RIPOR3: variants seen among roughly 807,000 people sequenced by gnomAD.
RIPOR3 encodes the protein family with sequence similarity 65 member C.
In RIPOR3, 95 loss-of-function variants were observed where a neutral mutation model predicts 114.3. That is an observed-to-expected ratio of 0.83 (90% CI 0.70 to 0.99). The LOEUF (loss-of-function observed/expected upper bound fraction) is 0.99. Among genes scored for constraint, RIPOR3 ranks in the 50% least tolerant of loss-of-function variants. RIPOR3 has a pLI of 0.00. For missense variants in RIPOR3, 1,252 were observed against 1,266.9 expected (o/e 0.99, Z 0.18); for synonymous variants, 575 against 543.8 (o/e 1.06, Z -0.80).
In RIPOR3 at chr20:50,620,056, C is replaced by T. The variant is rs144486592; in HGVS notation, c.199G>A (p.Gly67Arg). 74 of 1,614,068 alleles carry T rather than the reference C, an allele frequency of 4.6e-5. 1 individual carries two copies. The East Asian group carries it at 1.6e-3, about 35-fold the overall frequency. Residue 67 changes from glycine to arginine, a missense_variant, in exon 3 of 22, where the codon GGG (glycine) becomes AGG (arginine). Coordinates refer to ENST00000327979, the MANE Select transcript of RIPOR3 (RefSeq NM_001290268.2). ...SSKMYGTLRK[G>R]SVCADPKPQQ... ...GGCTTCGGGTCTGCACAGACCGACCCCTTCCGCAGCGTGCCGTACATCTTG... is the reference window on the plus strand; with the variant it reads ...GGCTTCGGGTCTGCACAGACCGACCTCTTCCGCAGCGTGCCGTACATCTTG...
chr20:50,649,845 G>A (rs1279794911), intron 1 of RIPOR3, among the ~76,000 whole-genome samples: 1 of 152,202 alleles, frequency 6.6e-6, no homozygotes, highest in Non-Finnish European at 1.5e-5. Context: ...ATGGGGGCAG[G>A]GGATGATCTG....
intron 1 of RIPOR3, among the ~76,000 whole-genome samples, chr20:50,641,918 C>T (rs1415728472): frequency 6.6e-6 from 1 of 152,098 alleles, no homozygotes; most frequent in African/African-American, 2.4e-5. Flanking sequence ...CCTGTTCAGC[C>T]CCTACTCCTA....
chr20:50,644,217 C>G (rs1164741119), intron 1 of RIPOR3, among the ~76,000 whole-genome samples: 1 of 152,202 alleles, frequency 6.6e-6, no homozygotes, highest in East Asian at 1.9e-4. Context: ...TGTAATCCTC[C>G]CAGCTCAGCC....
rs773729956 is a variant in RIPOR3, at chr20:50,596,251, G to A, written c.1803C>T (p.Pro601=). The A allele has an allele frequency of 1.9e-6, 3 of 1,614,150 alleles. No individual in the cohort carries two copies. The highest frequency in any genetic ancestry group is 2.2e-5 in the East Asian group (1 of 44,876). ...GGSQGLRKDR[P]LPPPSSLKAS... ...CTTTCAGTGATGACGGTGGGGGCAG[G>A]GGCCGGTCCTTTCTGAGTTGAATTG... The change falls in exon 15 of 22, where the codon CCC becomes CCT. Residue 601 remains proline (P), a synonymous_variant. Coordinates refer to ENST00000327979, the MANE Select transcript of RIPOR3 (RefSeq NM_001290268.2).
At chr20:50,652,757 C>T (rs1048952362) in intron 1 of RIPOR3, among the ~76,000 whole-genome samples, 11 of 152,168 alleles carry the variant, frequency 7.2e-5, no homozygotes, top group African/African-American at 1.7e-4. Context: ...TGCACATACA[C>T]GAGGGCGGTC....
Position 50,593,892 on chromosome 20 carries a change from G to A in RIPOR3, c.2212+661C>T, listed in dbSNP as rs775796057. ...CCAGCCAGCATTTCTAGATACCCTC[G>A]TGGGCCCCTGCCTGCCTCCCTTCCC... On this transcript the variant is annotated intron_variant, in intron 17 of 21. Transcript: ENST00000327979. Among the ~76,000 whole-genome samples, 131 of 152,032 alleles carry A rather than the reference G, an allele frequency of 8.6e-4. 3 individuals carry two copies. Among genetic ancestry groups the A allele is most frequent in the Admixed American group, 1.2e-3 (18 of 15,264 alleles).
chr20:50,600,310 G>A (rs2083448818), intron 13 of RIPOR3, among the ~76,000 whole-genome samples: 1 of 152,030 alleles, frequency 6.6e-6, no homozygotes, highest in African/African-American at 2.4e-5. Flanking sequence ...GACTTCGTTT[G>A]CCAAAAAAAG....
chr20:50,587,959 GTGGCCCTGC>G, intron 20 of RIPOR3, 67 bp from the exon 21 acceptor site: 2 of 1,481,004 alleles, frequency 1.4e-6, no homozygotes, highest in Middle Eastern at 3.5e-4. Context: ...AGTCCACTTA[GTGGCCCTGC>G]AGGGCCAGTC....
At chr20:50,679,672 G>T (rs2086797547) in intron 1 of RIPOR3, among the ~76,000 whole-genome samples, 1 of 151,628 alleles carries the variant, frequency 6.6e-6, no homozygotes, top group Non-Finnish European at 1.5e-5. Flanking sequence ...GGGAGGCTGA[G>T]GCAGGAGAAT....
intron 4 of RIPOR3, among the ~76,000 whole-genome samples, chr20:50,615,660 A>G (rs1013362626): frequency 3.3e-5 from 5 of 152,116 alleles, no homozygotes; most frequent in Non-Finnish European, 7.4e-5. Flanking sequence ...AAGATGTGAC[A>G]CCTGACCCAC....
intron 19 of RIPOR3, among the ~76,000 whole-genome samples, chr20:50,590,551 C>T (rs2122860250): frequency 6.6e-6 from 1 of 152,328 alleles, no homozygotes; most frequent in Non-Finnish European, 1.5e-5. Flanking sequence ...GGTGGCTCTC[C>T]AAAGTGTCTG....
chr20:50,631,990 G>A (rs2084835897), intron 1 of RIPOR3, among the ~76,000 whole-genome samples: 1 of 152,096 alleles, frequency 6.6e-6, no homozygotes, highest in African/African-American at 2.4e-5. Flanking sequence ...CTTCCTGCAC[G>A]ATGAGACCCC....
chr20:50,609,324 A>G lies in RIPOR3; in HGVS notation c.609T>C (p.Val203=). ...DMWLIEGALE[V]HLGEFHIRMK... ...TCCTGATGTGGAACTCGCCCAGGTG[A>G]ACCTCCAGGGCCCCCTCGATGAGCC... Residue 203 remains valine, a synonymous_variant, in exon 8 of 22, where the codon GTT becomes GTC. Transcript: ENST00000327979. The G allele has an allele frequency of 6.2e-7, 1 of 1,613,884 alleles. No individual in the cohort carries two copies. The highest frequency in any genetic ancestry group is 8.5e-7 in the Non-Finnish European group (1 of 1,179,848).
At chr20:50,609,985 CCCTGCCTCA>C (rs1366727097) in intron 6 of RIPOR3, among the ~76,000 whole-genome samples, 1 of 125,032 alleles carries the variant, frequency 8.0e-6, no homozygotes, top group African/African-American at 2.9e-5. Context: ...CCCCTACCAC[CCCTGCCTCA>C]CCTGCCACCC....
chr20:50,624,501 T>C (rs888835660), intron 2 of RIPOR3, among the ~76,000 whole-genome samples: 1 of 152,240 alleles, frequency 6.6e-6, no homozygotes, highest in Non-Finnish European at 1.5e-5. Context: ...GGGAAAGCTC[T>C]GAGCCTAGTG....
At chr20:50,603,725 G>A (rs150403734) in intron 12 of RIPOR3, among the ~76,000 whole-genome samples, 19 of 152,330 alleles carry the variant, frequency 1.2e-4, no homozygotes, top group African/African-American at 3.8e-4. Context: ...CCACACGGGT[G>A]GTGAGTACAG....
chr20:50,632,932 C>T (rs531503216), intron 1 of RIPOR3, among the ~76,000 whole-genome samples: 1 of 152,284 alleles, frequency 6.6e-6, no homozygotes, highest in Admixed American at 6.5e-5. Flanking sequence ...CCTACAGTCC[C>T]CTCCTGTGCT....
At chr20:50,633,825 C>A (rs2084895269) in intron 1 of RIPOR3, among the ~76,000 whole-genome samples, 1 of 152,126 alleles carries the variant, frequency 6.6e-6, no homozygotes, top group Admixed American at 6.5e-5. Flanking sequence ...TCGGAGCAGA[C>A]CTGCAGAACC....
rs144616362 is a variant in RIPOR3, at chr20:50,595,433, G to T, written c.1986C>A (p.His662Gln). ...CLLEEVAQQK[H>Q]VLETLSVLDF... ...CAAGGACAGAAAGTGTCTCCAGAACGTGCTTTTGCTGTGCCACTTCTTCCA... is the reference window on the plus strand; with the variant it reads ...CAAGGACAGAAAGTGTCTCCAGAACTTGCTTTTGCTGTGCCACTTCTTCCA... The change falls in exon 16 of 22, where the codon CAC (histidine) becomes CAA (glutamine). Residue 662 changes from histidine (H) to glutamine (Q), a missense_variant. Coordinates refer to ENST00000327979, the MANE Select transcript of RIPOR3 (RefSeq NM_001290268.2). 3.1e-6 allele frequency: 5 copies of T among 1,614,142 alleles called. No individual in the cohort carries two copies. The highest frequency in any genetic ancestry group is 4.2e-6 in the Non-Finnish European group (5 of 1,180,022).
Sources: allele counts gnomAD v4.1 joint callset (sites outside exome capture counted in the v4.1 genomes callset), GRCh38; gene constraint gnomAD v4.1.1; transcripts MANE v1.5; gene names NCBI Gene and HGNC (gene_info 2026-07-23, HGNC 2026-07-21).